Variants in SHC3 observed in about 807,000 individuals in gnomAD.
SHC3 encodes SHC-transforming protein 3.
A neutral mutation model predicts 60.4 loss-of-function variants in SHC3; 15 were observed. The ratio of observed to expected loss-of-function variants is 0.25; its 90% CI spans 0.17 to 0.38. The LOEUF (loss-of-function observed/expected upper bound fraction) is 0.38. Ranked by LOEUF, SHC3 falls within the 10% of genes least tolerant of loss-of-function variation. The pLI, the probability that SHC3 is intolerant of heterozygous loss-of-function variation, is 1.00. For missense variants in SHC3, 677 were observed against 786.1 expected (o/e 0.86, Z 1.66); for synonymous variants, 294 against 325.9 (o/e 0.90, Z 1.05).
In SHC3 at chr9:89,126,883, A is replaced by G. The variant is rs561674220; in HGVS notation, c.475-14257T>C. Among the ~76,000 whole-genome samples, 13 of 152,332 alleles carry G rather than the reference A, an allele frequency of 8.5e-5. No homozygotes were observed. In the South Asian group the frequency reaches 1.2e-3, roughly 15 times the overall value. ...GGACCCCATAAGCCTGCTGTTCAAG[A>G]TGACCCAACAAACTGGTCAGTTATG... On this transcript the variant is annotated intron_variant, in intron 1 of 11. Coordinates refer to ENST00000375835, the MANE Select transcript of SHC3 (RefSeq NM_016848.6).
chr9:89,170,603 C>T (rs1395417417), intron 1 of SHC3, among the ~76,000 whole-genome samples: 1 of 152,180 alleles, frequency 6.6e-6, no homozygotes. Context: ...CATGATCAGG[C>T]CACTGGATTC....
At position 89,042,073 on chromosome 9, in the gene SHC3, G is replaced by A. The variant is rs1256986017; in HGVS notation, c.1313C>T (p.Ala438Val). The A allele has an allele frequency of 8.1e-6, 13 of 1,606,428 alleles. No homozygotes were observed. Among genetic ancestry groups the A allele is most frequent in the South Asian group, 2.2e-5 (2 of 89,410 alleles). Residue 438 changes from alanine to valine, a missense_variant, in exon 10 of 12, where the codon GCG (alanine) becomes GTG (valine). By Grantham distance (64) the Ala-to-Val change is moderately conservative. Coordinates refer to ENST00000375835, the MANE Select transcript of SHC3 (RefSeq NM_016848.6). ...TGGGCTGCTCTCAGCACTGCTGACC[G>A]CAGCCGGCCAGGCCTGTGGTGGGAT... ...QQIPPQAWPA[A>V]VSSAESSPRK...
At chr9:89,086,138 G>A (rs1200629349) in intron 2 of SHC3, among the ~76,000 whole-genome samples, 3 of 152,170 alleles carry the variant, frequency 2.0e-5, no homozygotes, top group East Asian at 3.9e-4. Context: ...GTTTTCCTCT[G>A]CTGTCACACC....
intron 11 of SHC3, among the ~76,000 whole-genome samples, chr9:89,031,140 C>T (rs1298124898): frequency 6.6e-6 from 1 of 152,168 alleles, no homozygotes; most frequent in African/African-American, 2.4e-5. Flanking sequence ...CCCACCTCAG[C>T]CTCCCAAAAT....
chr9:89,033,027 CGAA>C (rs1400179435), intron 11 of SHC3, among the ~76,000 whole-genome samples: 1 of 150,324 alleles, frequency 6.7e-6, no homozygotes, highest in Non-Finnish European at 1.5e-5. Context: ...GCCCCCCCAC[CGAA>C]GAACAGTCAT....
intron 1 of SHC3, among the ~76,000 whole-genome samples, chr9:89,116,010 T>C (rs997839157): frequency 1.5e-4 from 23 of 152,142 alleles, no homozygotes; most frequent in African/African-American, 5.1e-4. Flanking sequence ...AGTACCATAA[T>C]TAATGTCATA....
At chr9:89,013,725 G>A in intron 11 of SHC3, 150 bp from the exon 12 acceptor site, 1 of 1,166,022 alleles carries the variant, frequency 8.6e-7, no homozygotes, top group Non-Finnish European at 1.2e-6. Flanking sequence ...GATGCTGTCT[G>A]CAAAGAGCAA....
At chr9:89,096,194 C>T (rs188226062) in intron 2 of SHC3, among the ~76,000 whole-genome samples, 43 of 152,256 alleles carry the variant, frequency 2.8e-4, no homozygotes, top group Admixed American at 2.7e-3. Context: ...TTTAACCAAA[C>T]ATGTTAAAAT....
chr9:89,037,155 T>C (rs565985558), intron 11 of SHC3, among the ~76,000 whole-genome samples: 1 of 152,180 alleles, frequency 6.6e-6, no homozygotes, highest in African/African-American at 2.4e-5. Context: ...TCTTGGCACC[T>C]GAGGTAATAA....
At chr9:89,021,811 A>G (rs1564078351) in intron 11 of SHC3, among the ~76,000 whole-genome samples, 1 of 151,474 alleles carries the variant, frequency 6.6e-6, no homozygotes, top group Non-Finnish European at 1.5e-5. Context: ...CCATGGAAAA[A>G]CTCTGTCACA....
chr9:89,047,332 CCA>C (rs1337403894), intron 7 of SHC3, among the ~76,000 whole-genome samples: 1 of 152,110 alleles, frequency 6.6e-6, no homozygotes, highest in Non-Finnish European at 1.5e-5. Flanking sequence ...CCAAACAAAA[CCA>C]ACTACAAAAT....
intron 1 of SHC3, among the ~76,000 whole-genome samples, chr9:89,145,746 A>T (rs1402499470): frequency 6.6e-6 from 1 of 152,252 alleles, no homozygotes; most frequent in Non-Finnish European, 1.5e-5. Flanking sequence ...ATGTTAGAAC[A>T]ACACTGATAA....
chr9:89,071,966 C>T (rs964247132), intron 4 of SHC3, among the ~76,000 whole-genome samples: 5 of 152,170 alleles, frequency 3.3e-5, no homozygotes, highest in African/African-American at 9.7e-5. Context: ...CATCACTTGC[C>T]CCAGACTGGT....
At chr9:89,023,993 C>T (rs945214198) in intron 11 of SHC3, among the ~76,000 whole-genome samples, 2 of 152,190 alleles carry the variant, frequency 1.3e-5, no homozygotes, top group Admixed American at 1.3e-4. Context: ...CTGAGGATCT[C>T]GTTTCTAAGC....
In SHC3 at chr9:89,165,827, C is replaced by G. The variant is rs59222766; in HGVS notation, c.474+12160G>C. ...ATGGGCAGGTTGCACCACCAGTTAG[C>G]GACACAGACCTGGGTAGATGTTTCA... On this transcript the variant is annotated intron_variant, in intron 1 of 11. Coordinates refer to ENST00000375835, the MANE Select transcript of SHC3 (RefSeq NM_016848.6). Among the ~76,000 whole-genome samples, 259 of 152,242 alleles carry G rather than the reference C, an allele frequency of 1.7e-3. 2 individuals are homozygous for G. Among genetic ancestry groups the G allele is most frequent in the African/African-American group, 6.1e-3 (254 of 41,520 alleles).
intron 1 of SHC3, among the ~76,000 whole-genome samples, chr9:89,121,344 G>A (rs1283281444): frequency 6.6e-6 from 1 of 151,790 alleles, no homozygotes; most frequent in Admixed American, 6.6e-5. Flanking sequence ...AGGCTGGAGT[G>A]CAATGGCACG....
chr9:89,050,857 T>C (rs1483027900), intron 7 of SHC3, among the ~76,000 whole-genome samples: 1 of 152,098 alleles, frequency 6.6e-6, no homozygotes, highest in African/African-American at 2.4e-5. Flanking sequence ...CCTCTAACTC[T>C]TCTATACACA....
At chr9:89,100,394 T>A (rs1472455325) in intron 2 of SHC3, among the ~76,000 whole-genome samples, 1 of 151,982 alleles carries the variant, frequency 6.6e-6, no homozygotes, top group Non-Finnish European at 1.5e-5. Context: ...GTTATGAGGG[T>A]TTTTGTTGTT....
At chr9:89,087,521 G>A (rs773506805) in intron 2 of SHC3, among the ~76,000 whole-genome samples, 1 of 152,178 alleles carries the variant, frequency 6.6e-6, no homozygotes, top group Non-Finnish European at 1.5e-5. Context: ...CAATCAGTGT[G>A]GGAGGGAGAG....
Sources: allele counts gnomAD v4.1 joint callset (sites outside exome capture counted in the v4.1 genomes callset), GRCh38; gene constraint gnomAD v4.1.1; transcripts MANE v1.5; gene names NCBI Gene and HGNC (gene_info 2026-07-23, HGNC 2026-07-21).